The following CADPS variants were observed in gnomAD, a reference collection of about 807,000 sequenced individuals.
CADPS encodes the protein calcium dependent secretion activator, also known as calcium-dependent secretion activator 1.
A neutral mutation model predicts 167.3 loss-of-function variants in CADPS; 57 were observed. The ratio of observed to expected loss-of-function variants is 0.34; its 90% confidence interval spans 0.28 to 0.42. The LOEUF (loss-of-function observed/expected upper bound fraction) is 0.42. Among genes scored for constraint, CADPS ranks in the 20% least tolerant of loss-of-function variants. CADPS has a pLI of 1.00. For synonymous variants in CADPS, 676 were observed against 635.3 expected, an observed-to-expected ratio of 1.06 and a Z score of -0.96; for missense variants, 1,414 against 1,738.1, an observed-to-expected ratio of 0.81 and a Z score of 3.32.
intron 28 of CADPS, among the ~76,000 whole-genome samples, chr3:62,411,653 T>A (rs561925085): frequency 6.6e-6 from 1 of 152,262 alleles, no homozygotes; most frequent in South Asian, 2.1e-4. Context: ...GCCCCCTGGG[T>A]CTCTCAGGTC....
intron 1 of CADPS, among the ~76,000 whole-genome samples, chr3:62,776,444 G>T (rs2090325600): frequency 6.6e-6 from 1 of 152,212 alleles, no homozygotes; most frequent in Non-Finnish European, 1.5e-5. Context: ...CACGAGGTCA[G>T]GAGATCAAGA....
At chr3:62,546,082 T>TA (rs1463420050) in intron 11 of CADPS, among the ~76,000 whole-genome samples, 5 of 152,124 alleles carry the variant, frequency 3.3e-5, no homozygotes, top group South Asian at 4.1e-4. Context: ...CAATGACCCT[T>TA]ACCTTTTTGG....
chr3:62,787,581 A>T (rs1283837841), intron 1 of CADPS, among the ~76,000 whole-genome samples: 1 of 152,192 alleles, frequency 6.6e-6, no homozygotes, highest in Non-Finnish European at 1.5e-5. Flanking sequence ...AATTATTAAT[A>T]AATGAGTACA....
chr3:62,820,505 A>G (rs140509705), intron 1 of CADPS, among the ~76,000 whole-genome samples: 60 of 152,244 alleles, frequency 3.9e-4, no homozygotes, highest in Non-Finnish European at 6.9e-4. Context: ...TGGAATTATT[A>G]TTTCTTAGGC....
chr3:62,498,618 T>C (rs992501538), intron 18 of CADPS, among the ~76,000 whole-genome samples: 1 of 152,070 alleles, frequency 6.6e-6, no homozygotes, highest in East Asian at 1.9e-4. Flanking sequence ...AAGTAAGCTA[T>C]ATTTATTTAG....
rs374048491 is a variant in CADPS, at chr3:62,765,932, T to C, written c.494A>G (p.Asn165Ser). 1.2e-5 allele frequency: 19 copies of C among 1,613,418 alleles called. No individual in the cohort carries two copies. Among genetic ancestry groups the C allele is most frequent in the Middle Eastern group, 1.6e-4 (1 of 6,080 alleles). The change falls in exon 2 of 30, where the codon AAT becomes AGT. Residue 165 changes from asparagine (N) to serine (S), a missense_variant. Coordinates refer to ENST00000383710, the MANE Select transcript of CADPS (RefSeq NM_003716.4). ...TVKDRFQAFLNGETQIMADEA... is the reference protein window; with the variant it reads ...TVKDRFQAFLSGETQIMADEA... ...GTCAGCCATGATCTGGGTTTCCCCA[T>C]TGAGGAAAGCCTGAAACCGGTCCTT...
chr3:62,610,272 T>C (rs2061326827), intron 6 of CADPS, among the ~76,000 whole-genome samples: 1 of 151,882 alleles, frequency 6.6e-6, no homozygotes, highest in African/African-American at 2.4e-5. Flanking sequence ...TTCTTCCTTT[T>C]TGGAGTCTTA....
rs2049157638 is a variant in CADPS, at chr3:62,412,490, T to A, written c.3778-9305A>T. ...TATTTGCTGCTTCTGTGGGAAGGTA[T>A]AAGGGATTTAACATTTGGGAGCATT... On this transcript the variant is annotated intron_variant, in intron 28 of 29. Coordinates refer to ENST00000383710, the MANE Select transcript of CADPS (RefSeq NM_003716.4). The surrounding 1 kb of genome is among the most constrained non-coding windows in gnomAD (Gnocchi z 4.1). Among the ~76,000 whole-genome samples the A allele has an allele frequency of 6.6e-6, 1 of 152,182 alleles. No homozygotes were observed. Among genetic ancestry groups the A allele is most frequent in the Admixed American group, 6.5e-5 (1 of 15,272 alleles).
intron 3 of CADPS, among the ~76,000 whole-genome samples, chr3:62,709,538 A>G (rs543476159): frequency 6.6e-6 from 1 of 152,268 alleles, no homozygotes; most frequent in East Asian, 1.9e-4. Context: ...TTGGCCCAGC[A>G]ACTCCTACCT....
intron 6 of CADPS, among the ~76,000 whole-genome samples, chr3:62,631,947 T>C (rs776107368): frequency 2.3e-4 from 35 of 152,330 alleles, no homozygotes; most frequent in Non-Finnish European, 4.0e-4. Context: ...AGATGTGATG[T>C]ATTCACTAAA....
chr3:62,705,824 A>T lies in CADPS; in HGVS notation c.889-43430T>A, dbSNP rs574060620. 7.9e-5 allele frequency among the ~76,000 whole-genome samples: 12 copies of T among 152,266 alleles called. No individual in the cohort carries two copies. In the South Asian group the frequency reaches 2.5e-3, roughly 32 times the overall value. Reference sequence around the variant, plus strand: ...CTTTTATATATACATCTATCCTATTAGTTCTGTCCCTCTAGAGAACACTGA... The same window carrying T: ...CTTTTATATATACATCTATCCTATTTGTTCTGTCCCTCTAGAGAACACTGA... On this transcript the variant is annotated intron_variant, in intron 3 of 29. Transcript: ENST00000383710.
intron 3 of CADPS, among the ~76,000 whole-genome samples, chr3:62,743,885 A>G (rs756763519): frequency 6.6e-6 from 1 of 152,218 alleles, no homozygotes; most frequent in African/African-American, 2.4e-5. Flanking sequence ...AAAGAGATTC[A>G]TAAAAGACTT....
chr3:62,759,219 T>C (rs2084750440), intron 2 of CADPS, among the ~76,000 whole-genome samples: 1 of 152,118 alleles, frequency 6.6e-6, no homozygotes, highest in Admixed American at 6.6e-5. Context: ...TTCCTCACCT[T>C]TAAGATGGGA....
chr3:62,873,366 T>A (rs897724440), intron 1 of CADPS, among the ~76,000 whole-genome samples: 12 of 152,240 alleles, frequency 7.9e-5, no homozygotes, highest in Admixed American at 7.2e-4. Context: ...TTTCAGACAC[T>A]AGTCTCACAG....
At chr3:62,582,516 C>A (rs918469852) in intron 8 of CADPS, among the ~76,000 whole-genome samples, 3 of 152,150 alleles carry the variant, frequency 2.0e-5, no homozygotes, top group Non-Finnish European at 4.4e-5. Flanking sequence ...TTTCTACCCT[C>A]CTTTACACAA....
intron 21 of CADPS, among the ~76,000 whole-genome samples, chr3:62,486,217 C>A (rs1051878494): frequency 2.0e-5 from 3 of 152,136 alleles, no homozygotes; most frequent in Non-Finnish European, 4.4e-5. Flanking sequence ...GAGGCCAAGG[C>A]TGGTGGATCA....
At chr3:62,801,856 T>C (rs1390270360) in intron 1 of CADPS, among the ~76,000 whole-genome samples, 1 of 152,190 alleles carries the variant, frequency 6.6e-6, no homozygotes. Context: ...TCAAAATGTA[T>C]GTTCTTTCTA....
At chr3:62,795,124 A>C (rs530862146) in intron 1 of CADPS, among the ~76,000 whole-genome samples, 2 of 152,216 alleles carry the variant, frequency 1.3e-5, no homozygotes, top group East Asian at 3.9e-4. Context: ...ATCTCTATAT[A>C]CGAATAGACT....
At chr3:62,579,760 G>C (rs1261046814) in intron 8 of CADPS, among the ~76,000 whole-genome samples, 2 of 152,134 alleles carry the variant, frequency 1.3e-5, no homozygotes, top group African/African-American at 4.8e-5. Context: ...GAATGAGATG[G>C]GGAATCATTG....
Sources: gnomAD v4.1 joint callset for allele counts (sites outside exome capture counted in the v4.1 genomes callset) on GRCh38, gnomAD v4.1.1 for gene constraint, Gnocchi (gnomAD v3.1) non-coding constraint, MANE v1.5 for transcripts, NCBI Gene and HGNC (gene_info 2026-07-23, HGNC 2026-07-21) for gene names.